Variants in FAM227B observed in about 807,000 individuals in gnomAD.
FAM227B encodes the protein protein FAM227B.
In FAM227B, 88 loss-of-function variants were observed where a neutral mutation model predicts 73.8. The ratio of observed to expected loss-of-function variants is 1.19; its 90% CI spans 1.00 to 1.42. The LOEUF (loss-of-function observed/expected upper bound fraction) is 1.42. Among genes scored for constraint, FAM227B ranks in the 40% most tolerant of loss-of-function variants. The pLI is 0.00. For synonymous variants in FAM227B, 210 were observed against 190.5 expected, an observed-to-expected ratio of 1.10 and a Z score of -0.84; for missense variants, 632 against 590.9, an observed-to-expected ratio of 1.07 and a Z score of -0.72.
At chr15:49,520,500 T>A (rs1028109711) in intron 10 of FAM227B, among the ~76,000 whole-genome samples, 3 of 152,106 alleles carry the variant, frequency 2.0e-5, no homozygotes, top group Non-Finnish European at 4.4e-5. Context: ...TGTGAAGAAA[T>A]ACCTAAGACT....
intron 11 of FAM227B, among the ~76,000 whole-genome samples, 192 bp downstream of exon 11, chr15:49,508,019 A>G (rs967769015): frequency 6.6e-6 from 1 of 152,206 alleles, no homozygotes; most frequent in South Asian, 2.1e-4. Flanking sequence ...AACATTTTAA[A>G]AAATCATTAT....
In FAM227B at chr15:49,493,391, T is replaced by TA. The variant is rs574920344; in HGVS notation, c.1012+14819dup. 1.6e-3 allele frequency among the ~76,000 whole-genome samples: 241 copies of TA among 152,104 alleles called. 2 individuals carry two copies. Among genetic ancestry groups the TA allele is most frequent in the Non-Finnish European group, 2.0e-3 (134 of 67,882 alleles). On this transcript the variant is annotated intron_variant, in intron 11 of 15. Transcript: ENST00000299338. ...CTGTTCACAAACTTCATAGTATCCT[T>TA]AGACCATTGTTCTCATGTCATTTTG...
At chr15:49,611,342 C>T (rs2077902260) in intron 2 of FAM227B, 74 bp from the exon 3 acceptor site, 1 of 763,866 alleles carries the variant, frequency 1.3e-6, no homozygotes, top group African/African-American at 1.8e-5. Flanking sequence ...AAATAATTTA[C>T]TTAAATAAAA....
At chr15:49,565,731 T>A (rs2074602694) in intron 9 of FAM227B, among the ~76,000 whole-genome samples, 1 of 152,166 alleles carries the variant, frequency 6.6e-6, no homozygotes, top group Non-Finnish European at 1.5e-5. Context: ...AATGTGATAG[T>A]TAAAGATCTT....
chr15:49,365,442 A>G, intron 13 of FAM227B: 1 of 932,364 alleles, frequency 1.1e-6, no homozygotes, highest in Non-Finnish European at 1.8e-6. Context: ...AGGCCTGTAC[A>G]ATAATGTCTC....
At chr15:49,620,152 C>G (rs1035722842) in intron 1 of FAM227B, 1 of 152,148 alleles carries the variant, frequency 6.6e-6, no homozygotes, top group African/African-American at 2.4e-5. Flanking sequence ...GAAAAAGAAG[C>G]CTTTATTGAC....
chr15:49,421,996 C>T (rs1567244069), intron 11 of FAM227B, among the ~76,000 whole-genome samples: 1 of 152,156 alleles, frequency 6.6e-6, no homozygotes, highest in South Asian at 2.1e-4. Context: ...GCTCTTCATT[C>T]TGTTCCCTAA....
chr15:49,348,471 G>A (rs1193654650), intron 13 of FAM227B, among the ~76,000 whole-genome samples: 3 of 152,158 alleles, frequency 2.0e-5, no homozygotes, highest in South Asian at 2.1e-4. Context: ...CCACCAAAAG[G>A]AGCCAATTTC....
chr15:49,554,496 C>G (rs2073422135), intron 9 of FAM227B, among the ~76,000 whole-genome samples: 1 of 152,188 alleles, frequency 6.6e-6, no homozygotes, highest in Non-Finnish European at 1.5e-5. Context: ...CAATTCCCCT[C>G]TGTCTAGGGC....
intron 10 of FAM227B, 26 bp downstream of exon 10, chr15:49,541,654 T>C: frequency 7.3e-7 from 1 of 1,376,398 alleles, no homozygotes; most frequent in Non-Finnish European, 9.5e-7. Context: ...AAAACAATGA[T>C]TAATATTTAA....
chr15:49,365,841 G>A (rs996934322), intron 13 of FAM227B: 18 of 886,042 alleles, frequency 2.0e-5, no homozygotes, highest in African/African-American at 1.6e-4. Context: ...TGCTTTTGCC[G>A]CGACACTCAA....
At chr15:49,505,401 C>G (rs984441210) in intron 11 of FAM227B, among the ~76,000 whole-genome samples, 9 of 151,750 alleles carry the variant, frequency 5.9e-5, no homozygotes, top group African/African-American at 2.2e-4. Flanking sequence ...TATTGTACAC[C>G]AATTAGATCT....
intron 10 of FAM227B, among the ~76,000 whole-genome samples, chr15:49,518,247 C>A (rs1299481612): frequency 6.6e-6 from 1 of 152,086 alleles, no homozygotes; most frequent in Non-Finnish European, 1.5e-5. Flanking sequence ...GCACTCTCAC[C>A]AGCATGGTTA....
At chr15:49,434,756 CTTAAA>C (rs1179401134) in intron 11 of FAM227B, 2 of 151,372 alleles carry the variant, frequency 1.3e-5, no homozygotes, top group African/African-American at 4.8e-5. Context: ...CTACCAGCAA[CTTAAA>C]TTAAATCTAA....
chr15:49,366,537 A>T, intron 13 of FAM227B: 3 of 1,545,256 alleles, frequency 1.9e-6, no homozygotes, highest in Non-Finnish European at 2.7e-6. Flanking sequence ...GGAAGAGCTG[A>T]CCAATGGGGG....
intron 11 of FAM227B, among the ~76,000 whole-genome samples, chr15:49,497,459 A>T (rs1298292349): frequency 3.3e-5 from 5 of 152,190 alleles, no homozygotes; most frequent in Non-Finnish European, 7.4e-5. Context: ...GGAATGTTTC[A>T]GTTTCTCACC....
chr15:49,568,451 A>G, intron 8 of FAM227B, 105 bp from the exon 9 acceptor site: 1 of 901,742 alleles, frequency 1.1e-6, no homozygotes, highest in South Asian at 1.7e-5. Flanking sequence ...ATCAATTGGT[A>G]CAGGAGAATC....
intron 3 of FAM227B, among the ~76,000 whole-genome samples, chr15:49,606,899 C>G (rs898960022): frequency 6.6e-6 from 1 of 152,172 alleles, no homozygotes; most frequent in Non-Finnish European, 1.5e-5. Flanking sequence ...AATACAAGAT[C>G]TTTTAATATA....
At chr15:49,378,083 C>T (rs2046286315) in intron 11 of FAM227B, among the ~76,000 whole-genome samples, 1 of 152,110 alleles carries the variant, frequency 6.6e-6, no homozygotes, top group African/African-American at 2.4e-5. Flanking sequence ...ATATGGAGAT[C>T]TAGTTTTCTC....
Sources: gnomAD v4.1 joint callset for allele counts (sites outside exome capture counted in the v4.1 genomes callset) on GRCh38, gnomAD v4.1.1 for gene constraint, MANE v1.5 for transcripts, NCBI Gene and HGNC (gene_info 2026-07-23, HGNC 2026-07-21) for gene names.